RBM20: variants seen among roughly 807,000 people sequenced by gnomAD.
RBM20 encodes the protein RNA-binding protein 20.
A neutral mutation model predicts 110.1 loss-of-function variants in RBM20; 51 were observed. The ratio of observed to expected loss-of-function variants is 0.46; its 90% CI spans 0.37 to 0.59. The LOEUF (loss-of-function observed/expected upper bound fraction) is 0.59, where lower values mean the gene tolerates loss of function less well. Among genes scored for constraint, RBM20 ranks in the 20% least tolerant of loss-of-function variants. The probability of loss-of-function intolerance (pLI) is 0.00; values close to 1 mark genes in which losing one functional copy is unlikely to be tolerated. For synonymous variants in RBM20, 589 were observed against 618.2 expected, an observed-to-expected ratio of 0.95 and a Z score of 0.70; for missense variants, 1,512 against 1,574.9, an observed-to-expected ratio of 0.96 and a Z score of 0.68.
At position 110,836,020 on chromosome 10, in the gene RBM20, A is replaced by G; in HGVS notation, c.*42A>G. 1 of 816,328 alleles carries G rather than the reference A, an allele frequency of 1.2e-6. No homozygotes were observed. Among genetic ancestry groups the G allele is most frequent in the Non-Finnish European group, 2.0e-6 (1 of 503,258 alleles). The allele number at this position is 816,328 out of a possible 1,614,324, so 50.6% of individuals were successfully genotyped here. A position where few individuals can be genotyped will look rare whatever the true frequency, so the allele number is the denominator to read the frequency against. On this transcript the variant is annotated 3_prime_UTR_variant, in exon 14 of 14. Coordinates refer to ENST00000369519, the MANE Select transcript of RBM20 (RefSeq NM_001134363.3). ...GCTACTGCTGCTGCTGCAAGGTTGGAAAGGAGAGCTTGCTGAAGTGGGGCC... is the reference window on the plus strand; with the variant it reads ...GCTACTGCTGCTGCTGCAAGGTTGGGAAGGAGAGCTTGCTGAAGTGGGGCC...
chr10:110,821,497 G>A lies in RBM20; in HGVS notation c.2878G>A (p.Asp960Asn). The A allele has an allele frequency of 6.4e-7, 1 of 1,551,972 alleles. No homozygotes were observed. The highest frequency in any genetic ancestry group is 8.7e-7 in the Non-Finnish European group (1 of 1,147,062). The change falls in exon 11 of 14, where the codon GAT becomes AAT. Residue 960 changes from aspartate to asparagine, a missense_variant. Around this residue, in one of 3 missense-constraint regions of RBM20, gnomAD observed 358 missense variants for 384.2 expected, o/e 0.93. Coordinates refer to ENST00000369519, the MANE Select transcript of RBM20 (RefSeq NM_001134363.3). ...TTTLDLDLAQ[D>N]FPKEGVKAVG... ...CACCTTAGACTTAGACCTGGCCCAGGATTTCCCCAAGGAAGGAGTCAAGGC... is the reference window on the plus strand; with the variant it reads ...CACCTTAGACTTAGACCTGGCCCAGAATTTCCCCAAGGAAGGAGTCAAGGC...
In RBM20 at chr10:110,746,674, T is replaced by G. The variant is rs1843784988; in HGVS notation, c.192-34127T>G. On this transcript the variant is annotated intron_variant, in intron 1 of 13. Transcript: ENST00000369519. ...GATTGGGAGCAGGCAGTGCTACCTA[T>G]GGAGAGGGTCTGGGATTAGGGTTGC... 2.0e-5 allele frequency among the ~76,000 whole-genome samples: 3 copies of G among 152,340 alleles called. No homozygotes were observed. In the South Asian group the frequency reaches 6.2e-4, roughly 32 times the overall value.
intron 5 of RBM20, among the ~76,000 whole-genome samples, chr10:110,794,869 C>G (rs1844530255): frequency 6.6e-6 from 1 of 152,226 alleles, no homozygotes; most frequent in African/African-American, 2.4e-5. Flanking sequence ...GTTTTTTCTA[C>G]TACCCAGCAG....
rs771714899 is a variant in RBM20, at chr10:110,781,517, G to C, written c.908G>C (p.Gly303Ala). 9.0e-6 allele frequency: 14 copies of C among 1,551,532 alleles called. No homozygotes were observed. The South Asian group carries it at 1.4e-4, about 16-fold the overall frequency. The change falls in exon 2 of 14, where the codon GGC (glycine) becomes GCC (alanine). Residue 303 changes from glycine to alanine, a missense_variant. Coordinates refer to ENST00000369519, the MANE Select transcript of RBM20 (RefSeq NM_001134363.3). ...GGATTTCCAGCTGAGCAGGCTGGGG[G>C]CCTGAAAAGTGAGGTCGGGCCACTG... ...ASGFPAEQAG[G>A]LKSEVGPLLQ...
rs186428180 is a variant in RBM20 at position 110,836,263 on chromosome 10, G to T, written c.*285G>T. 4.2e-4 allele frequency: 95 copies of T among 227,738 alleles called. No homozygotes were observed. Among genetic ancestry groups the T allele is most frequent in the Non-Finnish European group, 7.5e-4 (88 of 117,288 alleles). 14.1% of individuals were successfully genotyped at this position (227,738 alleles called of 1,614,324 possible). ...ATTCGTTTTTCTCTCTTTTCCTCTTGTTCTTTCTCTCCCTCCCTCCTTATG... is the reference window on the plus strand; with the variant it reads ...ATTCGTTTTTCTCTCTTTTCCTCTTTTTCTTTCTCTCCCTCCCTCCTTATG... On this transcript the variant is annotated 3_prime_UTR_variant, in exon 14 of 14. Coordinates refer to ENST00000369519, the MANE Select transcript of RBM20 (RefSeq NM_001134363.3).
intron 1 of RBM20, among the ~76,000 whole-genome samples, chr10:110,770,460 A>T (rs1844172136): frequency 6.6e-6 from 1 of 152,224 alleles, no homozygotes; most frequent in Non-Finnish European, 1.5e-5. Context: ...ACTAAGGTCG[A>T]TAGGGTGACA....
intron 9 of RBM20, among the ~76,000 whole-genome samples, chr10:110,817,456 A>G (rs1417944824): frequency 6.6e-6 from 1 of 152,174 alleles, no homozygotes; most frequent in Non-Finnish European, 1.5e-5. Context: ...GCGGGAAGAC[A>G]GGTGAGAACT....
At position 110,810,796 on chromosome 10, in the gene RBM20, TGTGTGTGTGTGTGTGTGTGC is replaced by T. The variant is rs2081092460; in HGVS notation, c.1880+342_1880+361del. On this transcript the variant is annotated intron_variant, in intron 8 of 13. Coordinates refer to ENST00000369519, the MANE Select transcript of RBM20 (RefSeq NM_001134363.3). ...ATTAAAACAGCCTAAAAGTAATGCG[TGTGTGTGTGTGTGTGTGTGC>T]GTGTGTGCGTGTGTGTGTGCATGTG... Among the ~76,000 whole-genome samples, 2 of 141,700 alleles carry T rather than the reference TGTGTGTGTGTGTGTGTGTGC, an allele frequency of 1.4e-5. 1 individual carries two copies. Among genetic ancestry groups the T allele is most frequent in the Admixed American group, 1.4e-4 (2 of 14,390 alleles). 93.0% of individuals were successfully genotyped at this position (141,700 alleles called of 152,430 possible).
intron 1 of RBM20, among the ~76,000 whole-genome samples, chr10:110,646,363 C>G (rs1481716244): frequency 6.6e-6 from 1 of 151,910 alleles, no homozygotes; most frequent in Non-Finnish European, 1.5e-5. Context: ...AATAATTTAC[C>G]CTCTAAATTC....
intron 1 of RBM20, among the ~76,000 whole-genome samples, chr10:110,703,938 A>G (rs1007837553): frequency 1.3e-5 from 2 of 152,126 alleles, no homozygotes; most frequent in Non-Finnish European, 2.9e-5. Context: ...ATGGCGAAAC[A>G]CCATCTCTCC....
intron 1 of RBM20, among the ~76,000 whole-genome samples, chr10:110,655,571 A>G (rs1862010845): frequency 6.6e-6 from 1 of 152,216 alleles, no homozygotes; most frequent in African/African-American, 2.4e-5. Context: ...GGATTCTGCA[A>G]TGATTAAAGT....
rs1057363381 is a variant in RBM20, at chr10:110,801,319, C to T, written c.1800+1401C>T. ...GCAGGCGCCTGTAATCTCAGCTACT[C>T]GGGAGGCTGAGGCAGGAGAATCGCT... On this transcript the variant is annotated intron_variant, in intron 7 of 13. Coordinates refer to ENST00000369519, the MANE Select transcript of RBM20 (RefSeq NM_001134363.3). Among the ~76,000 whole-genome samples the T allele has an allele frequency of 8.6e-5, 13 of 151,540 alleles. No individual in the cohort carries two copies. In the East Asian group the frequency reaches 2.1e-3, roughly 25 times the overall value.
At chr10:110,834,043 G>A (rs545248288) in intron 13 of RBM20, among the ~76,000 whole-genome samples, 12 of 152,306 alleles carry the variant, frequency 7.9e-5, no homozygotes, top group Non-Finnish European at 1.5e-4. Context: ...AGGAGCCTCC[G>A]CTCTCTCTGA....
chr10:110,722,234 T>C (rs955197873), intron 1 of RBM20, among the ~76,000 whole-genome samples: 5 of 152,238 alleles, frequency 3.3e-5, no homozygotes, highest in African/African-American at 1.2e-4. Context: ...ACAGCAGGCA[T>C]TTTTAAATTA....
chr10:110,742,226 C>T (rs770004493), intron 1 of RBM20, among the ~76,000 whole-genome samples: 1 of 152,226 alleles, frequency 6.6e-6, no homozygotes, highest in Non-Finnish European at 1.5e-5. Context: ...TCTACACCTC[C>T]TCATCAGAGG....
intron 1 of RBM20, among the ~76,000 whole-genome samples, chr10:110,663,159 C>T (rs182164520): frequency 9.2e-5 from 14 of 151,984 alleles, no homozygotes; most frequent in Admixed American, 7.9e-4. Context: ...AGAGTCGGGG[C>T]GTTGCCCAGA....
At chr10:110,648,794 G>C (rs10885004) in intron 1 of RBM20, among the ~76,000 whole-genome samples, 1 of 151,918 alleles carries the variant, frequency 6.6e-6, no homozygotes, top group Non-Finnish European at 1.5e-5. Flanking sequence ...ATCAGAAAAA[G>C]AAATTTTGCT....
rs886459167 is a variant in RBM20 at position 110,739,953 on chromosome 10, G to A, written c.192-40848G>A. 1.3e-5 allele frequency among the ~76,000 whole-genome samples: 2 copies of A among 152,210 alleles called. No homozygotes were observed. The highest frequency in any genetic ancestry group is 3.8e-4 in the East Asian group (2 of 5,198). ...TGGGTGTTCCCAGCCCCACTATACT[G>A]TCTCCCTCTCCCTCCTTCTCCAAGT... On this transcript the variant is annotated intron_variant, in intron 1 of 13. Transcript: ENST00000369519. This position sits in a 1 kb window ranked among gnomAD's most constrained non-coding sequence, Gnocchi z 4.1.
At chr10:110,747,795 G>A (rs895887494) in intron 1 of RBM20, among the ~76,000 whole-genome samples, 1 of 151,544 alleles carries the variant, frequency 6.6e-6, no homozygotes, top group Non-Finnish European at 1.5e-5. Flanking sequence ...GAAAGAGAAA[G>A]CCTTTTAGAA....
Sources: allele counts gnomAD v4.1 joint callset (sites outside exome capture counted in the v4.1 genomes callset), GRCh38; gene constraint gnomAD v4.1.1; regional missense constraint gnomAD v4.1.1; non-coding constraint Gnocchi (gnomAD v3.1); transcripts MANE v1.5; gene names NCBI Gene and HGNC (gene_info 2026-07-23, HGNC 2026-07-21).